MAP3K20: variants seen among roughly 807,000 people sequenced by gnomAD.
The protein encoded by MAP3K20 is HCCS-4.
In MAP3K20, 40 loss-of-function variants were observed where a neutral mutation model predicts 85.7. The ratio of observed to expected loss-of-function variants is 0.47; its 90% CI spans 0.36 to 0.61. The LOEUF (loss-of-function observed/expected upper bound fraction) is 0.61. MAP3K20 is among the 20% of genes least tolerant of loss of function. The probability of loss-of-function intolerance (pLI) is 0.00; values close to 1 mark genes in which losing one functional copy is unlikely to be tolerated. For missense variants in MAP3K20, 817 were observed against 961.7 expected, an observed-to-expected ratio of 0.85 and a Z score of 1.99; for synonymous variants, 325 against 327.7, an observed-to-expected ratio of 0.99 and a Z score of 0.09.
intron 10 of MAP3K20, chr2:173,210,998 G>A (rs1048894464): frequency 6.6e-6 from 1 of 152,106 alleles, no homozygotes; most frequent in Non-Finnish European, 1.5e-5. Context: ...TAGGTATAAG[G>A]GACTTTTTTC....
At chr2:173,259,041 C>T (rs1685226794) in intron 17 of MAP3K20, among the ~76,000 whole-genome samples, 1 of 151,956 alleles carries the variant, frequency 6.6e-6, no homozygotes, top group African/African-American at 2.4e-5. Flanking sequence ...AAAAAGGTAT[C>T]GTTTAATTTT....
At chr2:173,171,219 C>T (rs988649867) in intron 3 of MAP3K20, among the ~76,000 whole-genome samples, 18 of 152,170 alleles carry the variant, frequency 1.2e-4, no homozygotes, top group Non-Finnish European at 2.4e-4. Context: ...TTAAACCTTT[C>T]TCTGACCCAT....
At chr2:173,133,115 A>G (rs1240924172) in intron 2 of MAP3K20, among the ~76,000 whole-genome samples, 1 of 152,214 alleles carries the variant, frequency 6.6e-6, no homozygotes, top group Non-Finnish European at 1.5e-5. Flanking sequence ...ACATATTTTA[A>G]AATGGGAAGT....
chr2:173,175,740 C>G (rs1690134430), intron 3 of MAP3K20, among the ~76,000 whole-genome samples: 3 of 152,200 alleles, frequency 2.0e-5, no homozygotes, highest in African/African-American at 7.2e-5. Flanking sequence ...TTAGCACTTT[C>G]TCTGATGTGC....
intron 7 of MAP3K20, 73 bp from the exon 8 acceptor site, chr2:173,197,951 TAG>T: frequency 7.6e-7 from 1 of 1,319,694 alleles, no homozygotes; most frequent in Non-Finnish European, 1.1e-6. Context: ...AATTACATGT[TAG>T]ATAAGGTCTC....
chr2:173,252,672 G>C (rs1256428266), intron 16 of MAP3K20, among the ~76,000 whole-genome samples: 1 of 152,162 alleles, frequency 6.6e-6, no homozygotes, highest in African/African-American at 2.4e-5. Flanking sequence ...CTCCGCTCCT[G>C]GGCTAGTTCC....
chr2:173,150,651 T>C (rs1283357145), intron 2 of MAP3K20, among the ~76,000 whole-genome samples: 2 of 152,186 alleles, frequency 1.3e-5, no homozygotes, highest in Non-Finnish European at 2.9e-5. Context: ...CTGCAACCTC[T>C]GCCTCCCGGG....
intron 2 of MAP3K20, among the ~76,000 whole-genome samples, chr2:173,113,601 A>C (rs1688035059): frequency 6.6e-6 from 1 of 152,068 alleles, no homozygotes; most frequent in Non-Finnish European, 1.5e-5. Context: ...CATCATTGTC[A>C]TTCAGTTTGA....
chr2:173,097,762 TAAC>T (rs1394715891), intron 2 of MAP3K20, among the ~76,000 whole-genome samples: 2 of 152,298 alleles, frequency 1.3e-5, no homozygotes, highest in African/African-American at 4.8e-5. Flanking sequence ...CTGGTTATAA[TAAC>T]AGGAACTATC....
intron 8 of MAP3K20, among the ~76,000 whole-genome samples, chr2:173,203,198 A>G (rs114361190): frequency 1.6e-3 from 245 of 152,296 alleles, no homozygotes; most frequent in African/African-American, 5.5e-3. Context: ...GAGAAGCACC[A>G]CTGTAGGATG....
intron 2 of MAP3K20, among the ~76,000 whole-genome samples, chr2:173,120,889 T>C (rs1211268659): frequency 6.6e-6 from 1 of 151,888 alleles, no homozygotes; most frequent in African/African-American, 2.4e-5. Flanking sequence ...TTTTGTATTT[T>C]AGTAGAGACA....
chr2:173,160,449 G>T (rs537363882), intron 2 of MAP3K20: 7 of 152,270 alleles, frequency 4.6e-5, no homozygotes, highest in Admixed American at 2.6e-4. Context: ...AAAAGCCCTG[G>T]TTATGATACT....
intron 12 of MAP3K20, 121 bp from the exon 13 acceptor site, chr2:173,232,071 C>T: frequency 8.1e-7 from 1 of 1,239,988 alleles, no homozygotes; most frequent in Non-Finnish European, 1.2e-6. Flanking sequence ...TCTATTTTAC[C>T]TTTGTGGTTG....
chr2:173,209,564 C>A, intron 9 of MAP3K20, 165 bp from the exon 10 acceptor site: 1 of 565,078 alleles, frequency 1.8e-6, no homozygotes, highest in Non-Finnish European at 3.0e-6. Flanking sequence ...CTCCCTAAAC[C>A]TGAGTGATCT....
chr2:173,125,694 G>C (rs1688421457), intron 2 of MAP3K20, among the ~76,000 whole-genome samples: 1 of 151,830 alleles, frequency 6.6e-6, no homozygotes, highest in Admixed American at 6.6e-5. Flanking sequence ...ATGGAGTCTT[G>C]CTCTGTCGCC....
intron 1 of MAP3K20, among the ~76,000 whole-genome samples, chr2:173,079,632 T>A (rs1686959255): frequency 6.7e-6 from 1 of 150,318 alleles, no homozygotes; most frequent in Non-Finnish European, 1.5e-5. Context: ...TCTGTAAGAT[T>A]TTTTTTCTAT....
intron 7 of MAP3K20, among the ~76,000 whole-genome samples, chr2:173,194,760 AAAAG>A (rs1421076204): frequency 7.5e-6 from 1 of 133,064 alleles, no homozygotes; most frequent in Admixed American, 7.0e-5. Flanking sequence ...ACCATTAAAA[AAAAG>A]GTTTTTTTTT....
At chr2:173,168,726 CTT>C (rs1252136857) in intron 2 of MAP3K20, among the ~76,000 whole-genome samples, 1 of 152,076 alleles carries the variant, frequency 6.6e-6, no homozygotes, top group African/African-American at 2.4e-5. Flanking sequence ...CTATATTTAA[CTT>C]ACGTGATTTT....
At chr2:173,263,652 T>A in intron 18 of MAP3K20, 93 bp from the exon 19 acceptor site, 1 of 1,244,196 alleles carries the variant, frequency 8.0e-7, no homozygotes, top group Non-Finnish European at 1.1e-6. Flanking sequence ...ATAACCTGGA[T>A]GACTTTCTTT....
Sources: allele counts gnomAD v4.1 joint callset (sites outside exome capture counted in the v4.1 genomes callset), GRCh38; gene constraint gnomAD v4.1.1; transcripts MANE v1.5; gene names NCBI Gene and HGNC (gene_info 2026-07-23, HGNC 2026-07-21).